The following HNRNPM variants were observed in gnomAD, a reference collection of about 807,000 sequenced individuals.
HNRNPM encodes CEA receptor.
In HNRNPM, 11 loss-of-function variants were observed where a neutral mutation model predicts 73.1. That is an observed-to-expected ratio of 0.15 (90% CI 0.09 to 0.25). HNRNPM has a LOEUF of 0.25. Ranked by LOEUF, HNRNPM falls within the 10% of genes least tolerant of loss-of-function variation. HNRNPM has a pLI of 1.00. For synonymous variants in HNRNPM, 407 were observed against 355.2 expected, an observed-to-expected ratio of 1.15 and a Z score of -1.64; for missense variants, 789 against 1,067.9, an observed-to-expected ratio of 0.74 and a Z score of 3.64.
intron 12 of HNRNPM, among the ~76,000 whole-genome samples, chr19:8,480,741 C>T (rs1970859192): frequency 6.6e-6 from 1 of 152,032 alleles, no homozygotes; most frequent in Non-Finnish European, 1.5e-5. Flanking sequence ...TCTTGCCACT[C>T]TGCAGCACCT....
intron 13 of HNRNPM, among the ~76,000 whole-genome samples, chr19:8,484,639 T>G (rs1469271585): frequency 6.6e-6 from 1 of 152,208 alleles, no homozygotes; most frequent in Non-Finnish European, 1.5e-5. Flanking sequence ...GCAGGCGCGG[T>G]GTGGCCAGTT....
intron 5 of HNRNPM, 115 bp from the exon 6 acceptor site, chr19:8,465,209 G>A (rs1184579157): frequency 1.2e-6 from 1 of 805,992 alleles, no homozygotes; most frequent in Non-Finnish European, 1.9e-6. Flanking sequence ...AGATTTGAGA[G>A]ATGCTTTCCA....
In HNRNPM at chr19:8,466,363, G is replaced by T; in HGVS notation, c.759G>T (p.Gln253His). 6.2e-7 allele frequency: 1 copy of T among 1,614,146 alleles called. No individual in the cohort carries two copies. Among genetic ancestry groups the T allele is most frequent in the East Asian group, 2.2e-5 (1 of 44,876 alleles). Reference sequence around the variant, plus strand: ...GAATAGGCACTGTTACTTTTGAACAGTCCATTGAAGCTGTGCAAGCTATAT... The same window carrying T: ...GAATAGGCACTGTTACTTTTGAACATTCCATTGAAGCTGTGCAAGCTATAT... Reference protein sequence around the residue: ...SRGIGTVTFEQSIEAVQAISM... With the variant: ...SRGIGTVTFEHSIEAVQAISM... The change falls in exon 7 of 16, where the codon CAG becomes CAT. Residue 253 changes from glutamine to histidine, a missense_variant. Physicochemically the swap from Gln to His is conservative, Grantham distance 24. This residue lies in a region of HNRNPM where 604 missense variants were observed against 744.0 expected (regional missense o/e 0.81). Transcript: ENST00000325495.
intron 10 of HNRNPM, among the ~76,000 whole-genome samples, chr19:8,471,648 G>C (rs10401333): frequency 0.98 from 149,408 of 152,298 alleles, 73,343 homozygotes; most frequent in East Asian, 1. Context: ...ATTGTAACCT[G>C]ACAACAACCT....
chr19:8,485,935 C>T lies in HNRNPM; in HGVS notation c.1507C>T (p.Arg503Cys), dbSNP rs772927148. Residue 503 changes from arginine (R) to cysteine (C), a missense_variant, in exon 14 of 16, where the codon CGT (arginine) becomes TGT (cysteine). By Grantham distance (180) the Arg-to-Cys change is radical. Transcript: ENST00000325495. ...GLERMAAPID[R>C]VGQTIERMGS... Reference sequence around the variant, plus strand: ...TGAGCGCATGGCCGCTCCCATCGACCGTGTGGGCCAGACCATTGAGCGCAT... The same window carrying T: ...TGAGCGCATGGCCGCTCCCATCGACTGTGTGGGCCAGACCATTGAGCGCAT... The T allele has an allele frequency of 1.9e-6, 3 of 1,605,092 alleles. No homozygotes were observed. The highest frequency in any genetic ancestry group is 2.5e-6 in the Non-Finnish European group (3 of 1,179,262).
chr19:8,456,688 TCATTGTCC>T (rs1969050117), intron 2 of HNRNPM, among the ~76,000 whole-genome samples: 1 of 152,238 alleles, frequency 6.6e-6, no homozygotes, highest in African/African-American at 2.4e-5. Context: ...GGCACTGCCA[TCATTGTCC>T]CATCCCTTAT....
At chr19:8,472,449 G>T (rs571516280) in intron 10 of HNRNPM, among the ~76,000 whole-genome samples, 5 of 152,256 alleles carry the variant, frequency 3.3e-5, no homozygotes, top group Non-Finnish European at 5.9e-5. Context: ...ACTTCAAATG[G>T]CTGTTAACGT....
intron 13 of HNRNPM, among the ~76,000 whole-genome samples, chr19:8,484,822 G>A (rs1383959142): frequency 2.0e-5 from 3 of 152,160 alleles, no homozygotes; most frequent in Admixed American, 6.5e-5. Flanking sequence ...CCTTGCTGAC[G>A]GAGCCAGACC....
At chr19:8,485,175 C>T (rs1313514644) in intron 13 of HNRNPM, among the ~76,000 whole-genome samples, 1 of 152,074 alleles carries the variant, frequency 6.6e-6, no homozygotes, top group Non-Finnish European at 1.5e-5. Flanking sequence ...GTGACTCCGA[C>T]TTGTCTCCAC....
chr19:8,449,098 A>G (rs1187667142), intron 1 of HNRNPM, among the ~76,000 whole-genome samples: 1 of 152,200 alleles, frequency 6.6e-6, no homozygotes, highest in Non-Finnish European at 1.5e-5. Flanking sequence ...TGTTTGCTGT[A>G]CTTTAAAGAG....
At chr19:8,477,157 T>G (rs1435817397) in intron 12 of HNRNPM, among the ~76,000 whole-genome samples, 9 of 152,146 alleles carry the variant, frequency 5.9e-5, no homozygotes, top group Non-Finnish European at 1.3e-4. Flanking sequence ...AGATGATTAA[T>G]AACTAGATTC....
chr19:8,455,870 C>T (rs1394337853), intron 2 of HNRNPM, among the ~76,000 whole-genome samples: 3 of 150,700 alleles, frequency 2.0e-5, no homozygotes, highest in East Asian at 1.9e-4. Context: ...TTCGATTAGG[C>T]TTCCGGGGAG....
chr19:8,447,905 A>G (rs946777055), intron 1 of HNRNPM, among the ~76,000 whole-genome samples: 3 of 152,278 alleles, frequency 2.0e-5, no homozygotes, highest in Middle Eastern at 6.8e-3. Context: ...GGGCTCCTGT[A>G]GTCTCAGCCA....
chr19:8,462,439 A>G lies in HNRNPM; in HGVS notation c.284-90A>G. 9.0e-7 allele frequency: 1 copy of G among 1,105,222 alleles called. No individual in the cohort carries two copies. Among genetic ancestry groups the G allele is most frequent in the South Asian group, 1.2e-5 (1 of 80,662 alleles). The allele number at this position is 1,105,222 out of a possible 1,614,324, so 68.5% of individuals were successfully genotyped here. ...GGCTTTCTTATAAGGCAGAGGCTCC[A>G]TACAAGGTTGCTGATGATTGTTCTA... On this transcript the variant is annotated intron_variant, in intron 2 of 15. Coordinates refer to ENST00000325495, the MANE Select transcript of HNRNPM (RefSeq NM_005968.5). This position sits in a 1 kb window ranked among gnomAD's most constrained non-coding sequence, Gnocchi z 4.5.
intron 2 of HNRNPM, among the ~76,000 whole-genome samples, chr19:8,460,705 C>T (rs1264911971): frequency 1.3e-5 from 2 of 152,212 alleles, no homozygotes; most frequent in Non-Finnish European, 2.9e-5. Flanking sequence ...TCCCATGCAA[C>T]TGGGACTTGA....
chr19:8,476,193 T>TA (rs1392956608), intron 12 of HNRNPM, among the ~76,000 whole-genome samples: 1 of 152,124 alleles, frequency 6.6e-6, no homozygotes, highest in Non-Finnish European at 1.5e-5. Context: ...TGTTCTGAGA[T>TA]ACGGCACTCG....
rs572671434 is a variant in HNRNPM, at chr19:8,465,207, G to C, written c.439-117G>C. 5.1e-6 allele frequency: 4 copies of C among 786,924 alleles called. No individual in the cohort carries two copies. The East Asian group carries it at 1.1e-4, about 22-fold the overall frequency. 48.7% of individuals were successfully genotyped at this position (786,924 alleles called of 1,614,324 possible). ...TTGACTTTCTTGTTAATAGATTTGAGAGATGCTTTCCAAACAACCTTTCAG... is the reference window on the plus strand; with the variant it reads ...TTGACTTTCTTGTTAATAGATTTGACAGATGCTTTCCAAACAACCTTTCAG... On this transcript the variant is annotated intron_variant, in intron 5 of 15. Transcript: ENST00000325495.
intron 14 of HNRNPM, among the ~76,000 whole-genome samples, chr19:8,486,743 T>G (rs1971338520): frequency 6.6e-6 from 1 of 152,258 alleles, no homozygotes; most frequent in Non-Finnish European, 1.5e-5. Flanking sequence ...TCAGCCACCC[T>G]TAGCCACTAT....
At position 8,464,822 on chromosome 19, in the gene HNRNPM, G is replaced by C. The variant is rs561664480; in HGVS notation, c.439-502G>C. Reference sequence around the variant, plus strand: ...GTACAGAGCTTCACAGACCTTCCCAGATGTTGTTTTACTGCGCAGCCCTCA... The same window carrying C: ...GTACAGAGCTTCACAGACCTTCCCACATGTTGTTTTACTGCGCAGCCCTCA... On this transcript the variant is annotated intron_variant, in intron 5 of 15. Transcript: ENST00000325495. 8.3e-4 allele frequency among the ~76,000 whole-genome samples: 127 copies of C among 152,250 alleles called. 1 individual carries two copies. The highest frequency in any genetic ancestry group is 3.0e-3 in the African/African-American group (123 of 41,546).
Sources: gnomAD v4.1 joint callset for allele counts (sites outside exome capture counted in the v4.1 genomes callset) on GRCh38, gnomAD v4.1.1 for gene constraint, gnomAD v4.1.1 regional missense constraint, Gnocchi (gnomAD v3.1) non-coding constraint, MANE v1.5 for transcripts, NCBI Gene and HGNC (gene_info 2026-07-23, HGNC 2026-07-21) for gene names.